Variants in ATP6V1C1 observed in about 807,000 individuals in gnomAD.
ATP6V1C1 encodes V-type proton ATPase subunit C 1.
Under a neutral mutation model 53.9 loss-of-function variants are expected in ATP6V1C1, and 45 were observed. The ratio of observed to expected loss-of-function variants is 0.83; its 90% CI spans 0.66 to 1.07. The LOEUF is 1.07. ATP6V1C1 is among the 50% of genes least tolerant of loss of function. The pLI, the probability that ATP6V1C1 is intolerant of heterozygous loss-of-function variation, is 0.00. For missense variants in ATP6V1C1, 315 were observed against 440.3 expected (o/e 0.72, Z 2.55); for synonymous variants, 153 against 155.2 (o/e 0.99, Z 0.11).
chr8:103,040,395 C>T (rs1816974976), intron 1 of ATP6V1C1, among the ~76,000 whole-genome samples: 1 of 147,638 alleles, frequency 6.8e-6, no homozygotes, highest in African/African-American at 2.5e-5. Context: ...GCCTGGGCGA[C>T]AGAGTGAGAC....
At chr8:103,028,113 G>A (rs1816729890) in intron 1 of ATP6V1C1, among the ~76,000 whole-genome samples, 2 of 152,284 alleles carry the variant, frequency 1.3e-5, no homozygotes, top group East Asian at 3.9e-4. Context: ...TAGACATGTG[G>A]GAGAAGTAGT....
chr8:103,065,324 A>G (rs1261747087), intron 11 of ATP6V1C1, among the ~76,000 whole-genome samples: 1 of 152,222 alleles, frequency 6.6e-6, no homozygotes, highest in East Asian at 1.9e-4. Context: ...TGGGAGGCTG[A>G]GGCAGGCAGA....
intron 1 of ATP6V1C1, among the ~76,000 whole-genome samples, chr8:103,024,460 A>T (rs947645814): frequency 6.6e-6 from 1 of 152,212 alleles, no homozygotes; most frequent in African/African-American, 2.4e-5. Flanking sequence ...ACCTTTGCCA[A>T]AGGTCTCCAT....
chr8:103,052,422 G>A (rs1817216850), intron 5 of ATP6V1C1, among the ~76,000 whole-genome samples: 1 of 152,014 alleles, frequency 6.6e-6, no homozygotes, highest in African/African-American at 2.4e-5. Flanking sequence ...TTGAAGCCTT[G>A]TAAATAGTAA....
intron 1 of ATP6V1C1, among the ~76,000 whole-genome samples, chr8:103,031,061 A>G (rs1816788896): frequency 6.6e-6 from 1 of 152,208 alleles, no homozygotes; most frequent in East Asian, 1.9e-4. Context: ...ACAAAGTACA[A>G]CACTCTTAAA....
intron 7 of ATP6V1C1, 122 bp downstream of exon 7, chr8:103,054,104 C>A: frequency 1.5e-6 from 1 of 670,230 alleles, no homozygotes; most frequent in Non-Finnish European, 2.4e-6. Context: ...CCTTGCCATT[C>A]ATTCTGTCAT....
chr8:103,029,703 A>G (rs1816761477), intron 1 of ATP6V1C1, among the ~76,000 whole-genome samples: 1 of 152,178 alleles, frequency 6.6e-6, no homozygotes, highest in South Asian at 2.1e-4. Flanking sequence ...ACAAATTGTT[A>G]CAGCTGTATT....
intron 10 of ATP6V1C1, among the ~76,000 whole-genome samples, chr8:103,063,817 G>A (rs1401372614): frequency 1.3e-5 from 2 of 152,094 alleles, no homozygotes. Context: ...TGTTTGGAAA[G>A]GGAAACATAA....
At chr8:103,021,892 A>C (rs1816601729) in intron 1 of ATP6V1C1, among the ~76,000 whole-genome samples, 1 of 152,190 alleles carries the variant, frequency 6.6e-6, no homozygotes, top group Non-Finnish European at 1.5e-5. Flanking sequence ...AAACAGGAGT[A>C]AGGGGGAAGC....
intron 2 of ATP6V1C1, 126 bp from the exon 3 acceptor site, chr8:103,042,214 C>G: frequency 1.1e-6 from 1 of 892,950 alleles, no homozygotes; most frequent in African/African-American, 1.7e-5. Flanking sequence ...TTTAACTGTA[C>G]TTACACATTA....
chr8:103,022,723 G>T (rs909528624), intron 1 of ATP6V1C1, among the ~76,000 whole-genome samples: 1 of 152,100 alleles, frequency 6.6e-6, no homozygotes, highest in Non-Finnish European at 1.5e-5. Context: ...TCTGAAAAGA[G>T]ACTGAAAAGG....
intron 1 of ATP6V1C1, among the ~76,000 whole-genome samples, chr8:103,039,360 C>T (rs547732962): frequency 6.6e-6 from 1 of 152,234 alleles, no homozygotes; most frequent in Non-Finnish European, 1.5e-5. Flanking sequence ...CTCATAGGTA[C>T]TTTAAGTAGG....
chr8:103,063,395 T>C, intron 10 of ATP6V1C1, 167 bp downstream of exon 10: 3 of 543,068 alleles, frequency 5.5e-6, no homozygotes, highest in Non-Finnish European at 9.6e-6. Context: ...AAAGCTTAAC[T>C]GTTCTAGAGA....
Position 103,071,885 on chromosome 8 carries a change from G to C in ATP6V1C1, c.*3138G>C, listed in dbSNP as rs1015874956. On this transcript the variant is annotated 3_prime_UTR_variant, in exon 13 of 13. Transcript: ENST00000518738. ...TCCCGCCTCAGCCTCCCAAAGTGCTGGTGTTACAGGCATAAGCCACCACGC... is the reference window on the plus strand; with the variant it reads ...TCCCGCCTCAGCCTCCCAAAGTGCTCGTGTTACAGGCATAAGCCACCACGC... The C allele has an allele frequency of 1.3e-5, 2 of 152,460 alleles. No individual in the cohort carries two copies. Among genetic ancestry groups the C allele is most frequent in the Non-Finnish European group, 2.9e-5 (2 of 68,258 alleles). 9.4% of individuals were successfully genotyped at this position (152,460 alleles called of 1,614,324 possible). A position where few individuals can be genotyped will look rare whatever the true frequency, so the allele number is the denominator to read the frequency against.
At chr8:103,062,506 G>C (rs1393580061) in intron 8 of ATP6V1C1, among the ~76,000 whole-genome samples, 3 of 152,112 alleles carry the variant, frequency 2.0e-5, no homozygotes, top group Non-Finnish European at 4.4e-5. Flanking sequence ...TGGGAGCAAA[G>C]GAAAGATCCA....
At chr8:103,033,615 C>T (rs926031404) in intron 1 of ATP6V1C1, among the ~76,000 whole-genome samples, 1 of 152,110 alleles carries the variant, frequency 6.6e-6, no homozygotes, top group African/African-American at 2.4e-5. Flanking sequence ...AGAAATACTA[C>T]AAAGAAGGTT....
At position 103,063,059 on chromosome 8, in the gene ATP6V1C1, G is replaced by C. The variant is rs1469544092; in HGVS notation, c.734+12G>C. The C allele has an allele frequency of 6.2e-7, 1 of 1,612,826 alleles. No homozygotes were observed. Among genetic ancestry groups the C allele is most frequent in the Non-Finnish European group, 8.5e-7 (1 of 1,179,340 alleles). On this transcript the variant is annotated intron_variant, in intron 9 of 12. Transcript: ENST00000518738. ...GCCAGAGAAAACAAGTAAGATTATT[G>C]TTTTTTTGTTTATTTACTTTGTTAG... is the stretch of plus-strand genomic sequence containing the variant.
intron 6 of ATP6V1C1, 134 bp downstream of exon 6, chr8:103,052,956 A>T (rs1248040517): frequency 2.0e-6 from 1 of 509,314 alleles, no homozygotes; most frequent in African/African-American, 2.0e-5. Context: ...CTTTTACTTC[A>T]TGGAGAAAAG....
intron 1 of ATP6V1C1, among the ~76,000 whole-genome samples, chr8:103,037,719 A>G (rs1816923388): frequency 1.3e-5 from 2 of 152,228 alleles, no homozygotes; most frequent in Admixed American, 1.3e-4. Flanking sequence ...TTAGTTTTGA[A>G]GTATTTCAGA....
Sources: allele counts gnomAD v4.1 joint callset (sites outside exome capture counted in the v4.1 genomes callset), GRCh38; gene constraint gnomAD v4.1.1; transcripts MANE v1.5; gene names NCBI Gene and HGNC (gene_info 2026-07-23, HGNC 2026-07-21).